Variants in SS18L1 observed in about 807,000 individuals in gnomAD.
The protein encoded by SS18L1 is calcium-responsive transactivator.
Under a neutral mutation model 70.3 loss-of-function variants are expected in SS18L1, and 32 were observed. The observed-to-expected ratio is 0.46, with a 90% confidence interval of 0.34 to 0.61. SS18L1 has a LOEUF of 0.61. SS18L1 is among the 20% of genes least tolerant of loss of function. SS18L1 has a pLI of 0.01. For synonymous variants in SS18L1, 237 were observed against 229.7 expected (o/e 1.03, Z -0.29); for missense variants, 430 against 542.1 (o/e 0.79, Z 2.05).
At chr20:62,160,425 C>T (rs891978066) in intron 3 of SS18L1, among the ~76,000 whole-genome samples, 1 of 138,598 alleles carries the variant, frequency 7.2e-6, no homozygotes, top group African/African-American at 3.2e-5. Flanking sequence ...GATGGGGGCC[C>T]TGCGTCTCCC....
chr20:62,169,407 G>A (rs1032392052), intron 8 of SS18L1, among the ~76,000 whole-genome samples: 3 of 152,224 alleles, frequency 2.0e-5, no homozygotes, highest in African/African-American at 7.2e-5. Flanking sequence ...CACCTTCCCA[G>A]GACCTCTTGA....
Position 62,161,082 on chromosome 20 carries a change from C to T in SS18L1, c.232-354C>T, listed in dbSNP as rs1428609424. Among the ~76,000 whole-genome samples the T allele has an allele frequency of 2.0e-5, 3 of 151,648 alleles. No homozygotes were observed. The highest frequency in any genetic ancestry group is 4.4e-5 in the Non-Finnish European group (3 of 67,964). ...GGGTCGTGGTTGGGGAGCACAGAGG[C>T]GCTGGTCACCTGCGCCCGAGGGGGA... On this transcript the variant is annotated intron_variant, in intron 3 of 10. Transcript: ENST00000331758. This position sits in a 1 kb window ranked among gnomAD's most constrained non-coding sequence, Gnocchi z 4.4.
chr20:62,150,171 C>T (rs1176080538), intron 1 of SS18L1, among the ~76,000 whole-genome samples: 1 of 152,270 alleles, frequency 6.6e-6, no homozygotes, highest in Non-Finnish European at 1.5e-5. Context: ...TTGAGACGCT[C>T]TTCTGAAACC....
At chr20:62,157,266 G>A (rs1041824746) in intron 1 of SS18L1, among the ~76,000 whole-genome samples, 9 of 152,036 alleles carry the variant, frequency 5.9e-5, no homozygotes, top group Admixed American at 2.6e-4. Context: ...TCCTGACTAC[G>A]TGCAGGTGTG....
intron 1 of SS18L1, among the ~76,000 whole-genome samples, chr20:62,156,839 T>TCGGGAG (rs1419044135): frequency 1.3e-5 from 2 of 152,210 alleles, no homozygotes; most frequent in African/African-American, 4.8e-5. Flanking sequence ...AGAGCTCCTG[T>TCGGGAG]CGGGAGCGGC....
At chr20:62,168,664 A>AT (rs1199263203) in intron 8 of SS18L1, among the ~76,000 whole-genome samples, 1 of 152,100 alleles carries the variant, frequency 6.6e-6, no homozygotes, top group African/African-American at 2.4e-5. Flanking sequence ...ACTAAAAAAC[A>AT]TTAGCCAGGT....
At position 62,174,457 on chromosome 20, in the gene SS18L1, G is replaced by GA. The variant is rs1185244051; in HGVS notation, c.1037-51dup. On this transcript the variant is annotated intron_variant, in intron 9 of 10. Coordinates refer to ENST00000331758, the MANE Select transcript of SS18L1 (RefSeq NM_198935.3). The surrounding 1 kb of genome is among the most constrained non-coding windows in gnomAD (Gnocchi z 4.1). ...GTTTTAAAAAAAATTTTTAAGTTAA[G>GA]AAAAAAAAAGAAAGAGGTGTCCGTT... The GA allele has an allele frequency of 9.2e-5, 141 of 1,528,588 alleles. No individual in the cohort carries two copies. Among genetic ancestry groups the GA allele is most frequent in the East Asian group, 1.6e-4 (7 of 43,290 alleles). 94.7% of individuals were successfully genotyped at this position (1,528,588 alleles called of 1,614,324 possible).
chr20:62,169,007 A>G (rs2057482164), intron 8 of SS18L1, among the ~76,000 whole-genome samples: 1 of 151,804 alleles, frequency 6.6e-6, no homozygotes. Flanking sequence ...AGGAGGGGAC[A>G]GCGGGGGCCA....
At chr20:62,157,344 G>A (rs1366031097) in intron 1 of SS18L1, among the ~76,000 whole-genome samples, 7 of 152,232 alleles carry the variant, frequency 4.6e-5, no homozygotes, top group East Asian at 1.9e-4. Flanking sequence ...CACAGAGCAC[G>A]TTCAGGAGGC....
In SS18L1 at chr20:62,182,175, C is replaced by A. The variant is rs756014009; in HGVS notation, c.*2967C>A. On this transcript the variant is annotated 3_prime_UTR_variant, in exon 11 of 11. Coordinates refer to ENST00000331758, the MANE Select transcript of SS18L1 (RefSeq NM_198935.3). ...AGATCTCCTAAGATCTGAAAAGAAA[C>A]CTTAATACGCTCATATGGTTGGAGT... 166 of 223,984 alleles carry A rather than the reference C, an allele frequency of 7.4e-4. No homozygotes were observed. Among genetic ancestry groups the A allele is most frequent in the Non-Finnish European group, 1.2e-3 (137 of 112,370 alleles). The allele number at this position is 223,984 out of a possible 1,614,324, so 13.9% of individuals were successfully genotyped here. A position where few individuals can be genotyped will look rare whatever the true frequency, so the allele number is the denominator to read the frequency against.
rs771465646 is a variant in SS18L1 at position 62,161,626 on chromosome 20, A to G, written c.376+46A>G. 6.3e-7 allele frequency: 1 copy of G among 1,580,500 alleles called. No homozygotes were observed. The highest frequency in any genetic ancestry group is 8.6e-7 in the Non-Finnish European group (1 of 1,157,548). On this transcript the variant is annotated intron_variant, in intron 4 of 10. Coordinates refer to ENST00000331758, the MANE Select transcript of SS18L1 (RefSeq NM_198935.3). The surrounding 1 kb of genome is among the most constrained non-coding windows in gnomAD (Gnocchi z 4.4). Reference sequence around the variant, plus strand: ...GGACGTTCCTGGCTACGAGGCCACCAAGGCAGCCCTTGGGCAGCCGGCTGC... The same window carrying G: ...GGACGTTCCTGGCTACGAGGCCACCGAGGCAGCCCTTGGGCAGCCGGCTGC...
chr20:62,145,250 C>T (rs1290821609), intron 1 of SS18L1, among the ~76,000 whole-genome samples: 2 of 152,204 alleles, frequency 1.3e-5, no homozygotes, highest in Non-Finnish European at 2.9e-5. Flanking sequence ...ACTGGCATCC[C>T]GTTTAATAGC....
intron 1 of SS18L1, among the ~76,000 whole-genome samples, chr20:62,157,546 T>A (rs752273519): frequency 6.6e-4 from 101 of 152,268 alleles, no homozygotes; most frequent in Non-Finnish European, 1.3e-3. Context: ...GAAGCCTCCA[T>A]TTTGCCAGTT....
chr20:62,165,386 G>T, intron 7 of SS18L1, 36 bp from the exon 8 acceptor site: 1 of 1,589,906 alleles, frequency 6.3e-7, no homozygotes, highest in Non-Finnish European at 8.6e-7. Context: ...GCAGTGCACA[G>T]CCTCCGCTGA....
Position 62,158,212 on chromosome 20 carries a change from G to A in SS18L1, c.70-460G>A, listed in dbSNP as rs949092287. On this transcript the variant is annotated intron_variant, in intron 1 of 10. Transcript: ENST00000331758. The surrounding 1 kb of genome is among the most constrained non-coding windows in gnomAD (Gnocchi z 4.5). Reference sequence around the variant, plus strand: ...GGCCCTGGAAGCTGGAGGGTCCTTCGGGCTGGGGGCTGCTGGGGGCACGGG... The same window carrying A: ...GGCCCTGGAAGCTGGAGGGTCCTTCAGGCTGGGGGCTGCTGGGGGCACGGG... Among the ~76,000 whole-genome samples, 5 of 152,008 alleles carry A rather than the reference G, an allele frequency of 3.3e-5. No homozygotes were observed. The highest frequency in any genetic ancestry group is 7.4e-5 in the Non-Finnish European group (5 of 68,016).
Position 62,181,854 on chromosome 20 carries a change from C to T in SS18L1, c.*2646C>T, listed in dbSNP as rs2057715353. The stretch of plus-strand genomic sequence containing the variant: ...ATGGTGCTTTGTTTTTTTCTGACTA[C>T]TTCTATGGAAGGCCAGTGAAGAAGC... On this transcript the variant is annotated 3_prime_UTR_variant, in exon 11 of 11. Coordinates refer to ENST00000331758, the MANE Select transcript of SS18L1 (RefSeq NM_198935.3). 1.3e-5 allele frequency: 3 copies of T among 227,612 alleles called. No individual in the cohort carries two copies. The highest frequency in any genetic ancestry group is 6.3e-5 in the East Asian group (1 of 15,842). The allele number at this position is 227,612 out of a possible 1,614,324, so 14.1% of individuals were successfully genotyped here.
chr20:62,171,399 G>C (rs1046788887), intron 8 of SS18L1, among the ~76,000 whole-genome samples: 6 of 152,166 alleles, frequency 3.9e-5, no homozygotes, highest in African/African-American at 1.4e-4. Context: ...GCTGTTGCTG[G>C]AACCGGCCCT....
intron 1 of SS18L1, chr20:62,154,195 A>G: frequency 5.0e-6 from 2 of 401,718 alleles, no homozygotes; most frequent in Non-Finnish European, 7.0e-6. Context: ...TTTGTAGGAC[A>G]TCATTAAGGA....
At chr20:62,176,850 C>G (rs1023509621) in intron 10 of SS18L1, among the ~76,000 whole-genome samples, 1 of 152,166 alleles carries the variant, frequency 6.6e-6, no homozygotes, top group African/African-American at 2.4e-5. Context: ...AATTTCACAT[C>G]TGGGGGGAAA....
Sources: allele counts gnomAD v4.1 joint callset (sites outside exome capture counted in the v4.1 genomes callset), GRCh38; gene constraint gnomAD v4.1.1; non-coding constraint Gnocchi (gnomAD v3.1); transcripts MANE v1.5; gene names NCBI Gene and HGNC (gene_info 2026-07-23, HGNC 2026-07-21).